Variants in ALG8 observed in about 807,000 individuals in gnomAD.
ALG8 encodes the protein ALG8 alpha-1,3-glucosyltransferase, also known as dolichyl pyrophosphate Glc1Man9GlcNAc2 alpha-1,3-glucosyltransferase.
A neutral mutation model predicts 70.2 loss-of-function variants in ALG8; 48 were observed. That is an observed-to-expected ratio of 0.68 (90% CI 0.54 to 0.87). The LOEUF (loss-of-function observed/expected upper bound fraction) is 0.87. Ranked by LOEUF, ALG8 falls within the 40% of genes least tolerant of loss-of-function variation. The pLI is 0.00. For missense variants in ALG8, 572 were observed against 608.7 expected (o/e 0.94, Z 0.64); for synonymous variants, 234 against 229.0 (o/e 1.02, Z -0.20).
At chr11:78,110,391 C>A (rs1445273177) in intron 8 of ALG8, among the ~76,000 whole-genome samples, 1 of 152,130 alleles carries the variant, frequency 6.6e-6, no homozygotes, top group Non-Finnish European at 1.5e-5. Flanking sequence ...GGGGTGTCAC[C>A]ATGTTGGCCA....
At chr11:78,133,071 G>A (rs1472281077) in intron 1 of ALG8, among the ~76,000 whole-genome samples, 6 of 151,954 alleles carry the variant, frequency 3.9e-5, no homozygotes, top group African/African-American at 1.5e-4. Context: ...TCCTGACCTC[G>A]TGATCCGCCC....
chr11:78,118,065 C>T (rs1274181825), intron 5 of ALG8, among the ~76,000 whole-genome samples: 5 of 120,314 alleles, frequency 4.2e-5, no homozygotes, highest in South Asian at 2.7e-4. Flanking sequence ...GGCGAGACTC[C>T]GTCTCAAAAA....
chr11:78,127,529 C>T, intron 1 of ALG8, 93 bp from the exon 2 acceptor site: 3 of 1,088,300 alleles, frequency 2.8e-6, no homozygotes, highest in Non-Finnish European at 4.1e-6. Context: ...ACTGACATTC[C>T]CTAAGCTGTC....
chr11:78,134,608 T>C (rs1278040782), intron 1 of ALG8, among the ~76,000 whole-genome samples: 1 of 152,252 alleles, frequency 6.6e-6, no homozygotes, highest in African/African-American at 2.4e-5. Context: ...CCACTGATTA[T>C]TAACTAAGTT....
intron 7 of ALG8, among the ~76,000 whole-genome samples, chr11:78,113,644 T>A: frequency 1.4e-5 from 2 of 142,358 alleles, no homozygotes; most frequent in East Asian, 2.0e-4. Context: ...ATCCAGGAGG[T>A]GGAGGTTGCA....
At chr11:78,127,481 T>C in intron 1 of ALG8, 45 bp from the exon 2 acceptor site, 1 of 1,515,526 alleles carries the variant, frequency 6.6e-7, no homozygotes, top group South Asian at 1.1e-5. Context: ...TTGCAATATT[T>C]ATCAATTTCT....
intron 12 of ALG8, among the ~76,000 whole-genome samples, chr11:78,101,710 C>T (rs1859804466): frequency 6.6e-6 from 1 of 152,080 alleles, no homozygotes; most frequent in Non-Finnish European, 1.5e-5. Context: ...AAATTTACTC[C>T]ACCATTGACC....
intron 8 of ALG8, chr11:78,112,378 C>T (rs183731079): frequency 7.7e-6 from 3 of 389,688 alleles, no homozygotes; most frequent in Admixed American, 7.3e-5. Flanking sequence ...GCAAAAATTA[C>T]CTTTATAGAG....
At chr11:78,136,730 C>T (rs1861570063) in intron 1 of ALG8, among the ~76,000 whole-genome samples, 2 of 152,250 alleles carry the variant, frequency 1.3e-5, no homozygotes, top group Admixed American at 6.5e-5. Flanking sequence ...AACTAGATGT[C>T]ATAGATGGCA....
At chr11:78,127,755 G>GAGTCTCCTT (rs1411478975) in intron 1 of ALG8, among the ~76,000 whole-genome samples, 1 of 146,366 alleles carries the variant, frequency 6.8e-6, no homozygotes, top group East Asian at 2.0e-4. Flanking sequence ...TGTCACCCAG[G>GAGTCTCCTT]CTGGAGTGTA....
At chr11:78,108,324 T>C (rs1387447172) in intron 9 of ALG8, among the ~76,000 whole-genome samples, 3 of 151,722 alleles carry the variant, frequency 2.0e-5, no homozygotes, top group Non-Finnish European at 4.4e-5. Context: ...GCAAAACAAT[T>C]AGCTGGGTGC....
chr11:78,126,613 A>T (rs1861092398), intron 2 of ALG8, among the ~76,000 whole-genome samples: 1 of 152,194 alleles, frequency 6.6e-6, no homozygotes. Flanking sequence ...TGGTTTGTAT[A>T]TTACCTGATG....
chr11:78,123,315 GAAAAAAAAAA>G (rs1220218900), intron 3 of ALG8, among the ~76,000 whole-genome samples: 13 of 88,544 alleles, frequency 1.5e-4, no homozygotes, highest in Non-Finnish European at 2.0e-4. Context: ...GGAAAAAAAA[GAAAAAAAAAA>G]AAAAAAAAAA....
chr11:78,116,621 G>A (rs1222626396), intron 5 of ALG8, among the ~76,000 whole-genome samples: 1 of 152,006 alleles, frequency 6.6e-6, no homozygotes, highest in Non-Finnish European at 1.5e-5. Flanking sequence ...TGGAGGCTGA[G>A]GCAGGAGGAC....
chr11:78,133,117 G>C (rs984101346), intron 1 of ALG8, among the ~76,000 whole-genome samples: 20 of 152,108 alleles, frequency 1.3e-4, no homozygotes, highest in Non-Finnish European at 2.9e-5. Flanking sequence ...TTACAGGCGT[G>C]AGCCACCACA....
rs777621990 is a variant in ALG8, at chr11:78,124,005, C to A, written c.368+16G>T. On this transcript the variant is annotated intron_variant, in intron 3 of 12. Transcript: ENST00000299626. ...TTTCAATACCTTCCATACAAAATGA[C>A]ATGCTCCAGACTTACTCACGGACAG... 6.2e-6 allele frequency: 10 copies of A among 1,613,874 alleles called. No individual in the cohort carries two copies. The Admixed American group carries it at 1.5e-4, about 24-fold the overall frequency.
chr11:78,106,421 T>C lies in ALG8; in HGVS notation c.1178+386A>G, dbSNP rs149721193. Among the ~76,000 whole-genome samples the C allele has an allele frequency of 7.8e-3, 1,180 of 152,230 alleles. 33 individuals carry two copies. The highest frequency in any genetic ancestry group is 0.059 in the East Asian group (305 of 5,172). ...ACCATGTTAGCCAGGATAGTCTCGA[T>C]CTCCTGACCTCGTGATCTGCCCGCC... On this transcript the variant is annotated intron_variant, in intron 10 of 12. Transcript: ENST00000299626.
intron 5 of ALG8, among the ~76,000 whole-genome samples, chr11:78,117,691 T>C (rs1411699880): frequency 4.0e-5 from 6 of 151,508 alleles, no homozygotes; most frequent in African/African-American, 1.2e-4. Flanking sequence ...GGTGAGAGAA[T>C]TGCTTGAGCC....
At chr11:78,119,931 G>T (rs539677267) in intron 4 of ALG8, among the ~76,000 whole-genome samples, 2 of 151,750 alleles carry the variant, frequency 1.3e-5, no homozygotes, top group African/African-American at 2.4e-5. Flanking sequence ...GCAAACCCCC[G>T]TCTCTACCGA....
Sources: allele counts gnomAD v4.1 joint callset (sites outside exome capture counted in the v4.1 genomes callset), GRCh38; gene constraint gnomAD v4.1.1; transcripts MANE v1.5; gene names NCBI Gene and HGNC (gene_info 2026-07-23, HGNC 2026-07-21).